Variants in SEZ6L observed in about 807,000 individuals in gnomAD.
SEZ6L encodes seizure related 6 homolog like.
A neutral mutation model predicts 106.2 loss-of-function variants in SEZ6L; 37 were observed. The observed-to-expected ratio is 0.35, with a 90% CI of 0.27 to 0.46. The LOEUF (loss-of-function observed/expected upper bound fraction) is 0.46, where lower values mean the gene tolerates loss of function less well. SEZ6L is among the 20% of genes least tolerant of loss of function. The pLI is 1.00. For synonymous variants in SEZ6L, 541 were observed against 570.4 expected, an observed-to-expected ratio of 0.95 and a Z score of 0.73; for missense variants, 1,172 against 1,332.8, an observed-to-expected ratio of 0.88 and a Z score of 1.88.
chr22:26,320,509 C>G (rs905823320), intron 9 of SEZ6L, among the ~76,000 whole-genome samples: 8 of 152,224 alleles, frequency 5.3e-5, no homozygotes, highest in Admixed American at 5.2e-4. Flanking sequence ...TGAGGACTGT[C>G]ATTTTTGTCA....
chr22:26,353,903 GT>G (rs2083355911), intron 12 of SEZ6L, among the ~76,000 whole-genome samples: 2 of 151,910 alleles, frequency 1.3e-5, no homozygotes, highest in African/African-American at 4.8e-5. Context: ...CTAACCCATG[GT>G]ATCTGTAACT....
intron 1 of SEZ6L, among the ~76,000 whole-genome samples, chr22:26,256,323 A>C (rs367922688): frequency 7.1e-4 from 108 of 152,340 alleles, no homozygotes; most frequent in Middle Eastern, 6.8e-3. Flanking sequence ...ATAAGAGGTC[A>C]CCTGAGTGAG....
chr22:26,238,977 C>A (rs1025069775), intron 1 of SEZ6L, among the ~76,000 whole-genome samples: 4 of 152,210 alleles, frequency 2.6e-5, no homozygotes, highest in Non-Finnish European at 5.9e-5. Context: ...AATCTCAACA[C>A]TTTGGGAGGC....
rs767074283 is a variant in SEZ6L at position 26,306,019 on chromosome 22, C to T, written c.1389C>T (p.Arg463=). The change falls in exon 6 of 17, where the codon CGC becomes CGT. Residue 463 remains arginine, a synonymous_variant. Transcript: ENST00000248933. ...CAGTGCACAATGCCACCATCGGCCGCGTCCTCTCCCCAAGTTACCCTGAAA... is the reference window on the plus strand; with the variant it reads ...CAGTGCACAATGCCACCATCGGCCGTGTCCTCTCCCCAAGTTACCCTGAAA... ...GGAVHNATIG[R]VLSPSYPENT... 21 of 1,614,054 alleles carry T rather than the reference C, an allele frequency of 1.3e-5. No individual in the cohort carries two copies. The East Asian group carries it at 1.6e-4, about 12-fold the overall frequency.
chr22:26,379,843 T>G (rs1406378089), intron 16 of SEZ6L, among the ~76,000 whole-genome samples: 1 of 152,236 alleles, frequency 6.6e-6, no homozygotes, highest in Admixed American at 6.5e-5. Flanking sequence ...AACAAAGATC[T>G]CTGAACTCAA....
intron 1 of SEZ6L, among the ~76,000 whole-genome samples, chr22:26,237,255 T>TC (rs777879206): frequency 2.6e-5 from 4 of 152,258 alleles, no homozygotes; most frequent in Non-Finnish European, 5.9e-5. Flanking sequence ...TAAGCTCTAA[T>TC]TCACGTTAGC....
chr22:26,311,473 G>A (rs544852149), intron 7 of SEZ6L, among the ~76,000 whole-genome samples: 22 of 152,292 alleles, frequency 1.4e-4, no homozygotes, highest in African/African-American at 5.1e-4. Flanking sequence ...CTGAAGTTAC[G>A]GGCCATGGGA....
intron 1 of SEZ6L, among the ~76,000 whole-genome samples, chr22:26,221,231 C>T (rs986067200): frequency 6.6e-6 from 1 of 152,082 alleles, no homozygotes; most frequent in Non-Finnish European, 1.5e-5. Context: ...TTAAATCTTA[C>T]CCCTGTGGTC....
intron 9 of SEZ6L, among the ~76,000 whole-genome samples, chr22:26,315,210 T>C (rs1343550716): frequency 1.3e-5 from 2 of 152,178 alleles, no homozygotes; most frequent in Middle Eastern, 3.2e-3. Flanking sequence ...CTGGGTGCGG[T>C]GGCTCATGCC....
At position 26,380,520 on chromosome 22, in the gene SEZ6L, G is replaced by T; in HGVS notation, c.*225G>T. On this transcript the variant is annotated 3_prime_UTR_variant, in exon 17 of 17. Transcript: ENST00000248933. ...CGGCCTCAGCCAAATTCATGTTACA[G>T]CCTCAATTCTGAAGGCAGGTGGAAG... The T allele has an allele frequency of 2.3e-6, 1 of 432,788 alleles. No homozygotes were observed. Among genetic ancestry groups the T allele is most frequent in the Non-Finnish European group, 4.1e-6 (1 of 241,826 alleles). The allele number at this position is 432,788 out of a possible 1,614,324, so 26.8% of individuals were successfully genotyped here. A position where few individuals can be genotyped will look rare whatever the true frequency, so the allele number is the denominator to read the frequency against.
chr22:26,240,086 A>T (rs1401554815), intron 1 of SEZ6L, among the ~76,000 whole-genome samples: 7 of 122,360 alleles, frequency 5.7e-5, no homozygotes, highest in African/African-American at 2.2e-4. Context: ...ACACACACAC[A>T]CACACTCACA....
At chr22:26,271,233 G>A (rs1329125684) in intron 1 of SEZ6L, among the ~76,000 whole-genome samples, 1 of 152,186 alleles carries the variant, frequency 6.6e-6, no homozygotes, top group Non-Finnish European at 1.5e-5. Flanking sequence ...GGTTTCTGTT[G>A]CTCTGCTGGT....
At chr22:26,341,019 A>ATCTT (rs1236573527) in intron 10 of SEZ6L, among the ~76,000 whole-genome samples, 1 of 152,138 alleles carries the variant, frequency 6.6e-6, no homozygotes, top group Non-Finnish European at 1.5e-5. Context: ...GTCAGCTGAG[A>ATCTT]TCTTACATCA....
intron 1 of SEZ6L, among the ~76,000 whole-genome samples, chr22:26,235,376 G>T (rs2078926793): frequency 6.6e-6 from 1 of 152,126 alleles, no homozygotes; most frequent in Non-Finnish European, 1.5e-5. Flanking sequence ...TTTCATTAAT[G>T]AATTCAACAA....
intron 9 of SEZ6L, among the ~76,000 whole-genome samples, chr22:26,327,247 C>G (rs1326165058): frequency 1.4e-5 from 2 of 145,814 alleles, no homozygotes; most frequent in Admixed American, 1.4e-4. Context: ...ACGCTATACA[C>G]ACCACACACC....
At position 26,279,119 on chromosome 22, in the gene SEZ6L, C is replaced by T. The variant is rs1250344758; in HGVS notation, c.95-13287C>T. Among the ~76,000 whole-genome samples the T allele has an allele frequency of 2.6e-5, 4 of 152,266 alleles. No individual in the cohort carries two copies. In the Middle Eastern group the frequency reaches 0.01, roughly 388 times the overall value. On this transcript the variant is annotated intron_variant, in intron 1 of 16. Coordinates refer to ENST00000248933, the MANE Select transcript of SEZ6L (RefSeq NM_021115.5). ...ACTTCCCATGGAAAGTTAGGCATTC[C>T]CCTTGGGCATTTCCCATGCTCTGTC...
chr22:26,169,666 C>T lies in SEZ6L; in HGVS notation c.-4C>T, dbSNP rs762999147. On this transcript the variant is annotated 5_prime_UTR_variant, in exon 1 of 17. Transcript: ENST00000248933. ...CCAGCGGCTCCGCGCCCCCTGCAGC[C>T]ACGATGCCCGCGGCCCGGCCGCCCG... The T allele has an allele frequency of 1.6e-6, 2 of 1,278,842 alleles. No individual in the cohort carries two copies. Among genetic ancestry groups the T allele is most frequent in the South Asian group, 4.1e-5 (2 of 49,352 alleles). The allele number at this position is 1,278,842 out of a possible 1,614,324, so 79.2% of individuals were successfully genotyped here.
chr22:26,325,085 A>T (rs2082268050), intron 9 of SEZ6L, among the ~76,000 whole-genome samples: 1 of 152,116 alleles, frequency 6.6e-6, no homozygotes. Flanking sequence ...CTCATCCTCC[A>T]ATTGCTAGCT....
At chr22:26,344,598 T>G (rs1006625393) in intron 10 of SEZ6L, among the ~76,000 whole-genome samples, 3 of 152,240 alleles carry the variant, frequency 2.0e-5, no homozygotes, top group Admixed American at 6.5e-5. Flanking sequence ...ATTCAGTGCA[T>G]TTGTGCATTT....
Sources: allele counts gnomAD v4.1 joint callset (sites outside exome capture counted in the v4.1 genomes callset), GRCh38; gene constraint gnomAD v4.1.1; transcripts MANE v1.5; gene names NCBI Gene and HGNC (gene_info 2026-07-23, HGNC 2026-07-21).